Variants in PATJ observed in about 807,000 individuals in gnomAD.
PATJ encodes PATJ crumbs cell polarity complex component, also known as inaD-like protein.
PATJ carries 190 observed loss-of-function variants against 224.9 expected under a neutral mutation model. The ratio of observed to expected loss-of-function variants is 0.84; its 90% CI spans 0.75 to 0.95. PATJ has a LOEUF of 0.95. Among genes scored for constraint, PATJ ranks in the 40% least tolerant of loss-of-function variants. PATJ has a pLI of 0.00. For missense variants in PATJ, 2,121 were observed against 2,270.3 expected, an observed-to-expected ratio of 0.93 and a Z score of 1.34; for synonymous variants, 769 against 820.3, an observed-to-expected ratio of 0.94 and a Z score of 1.07.
intron 28 of PATJ, among the ~76,000 whole-genome samples, chr1:61,996,171 T>G (rs1468818572): frequency 6.6e-6 from 1 of 152,230 alleles, no homozygotes; most frequent in East Asian, 1.9e-4. Flanking sequence ...AAAGCATGAA[T>G]GTGTCCCATA....
intron 7 of PATJ, among the ~76,000 whole-genome samples, chr1:61,787,197 A>G (rs1648739807): frequency 6.6e-6 from 1 of 151,932 alleles, no homozygotes; most frequent in South Asian, 2.1e-4. Context: ...AGGTAATGTC[A>G]CTCCTCTGTT....
At chr1:61,957,127 C>A (rs1680549150) in intron 27 of PATJ, among the ~76,000 whole-genome samples, 1 of 152,108 alleles carries the variant, frequency 6.6e-6, no homozygotes, top group African/African-American at 2.4e-5. Context: ...GTTTAATAAA[C>A]CTTATTTGAA....
chr1:61,832,303 C>T (rs1051160912), intron 16 of PATJ, among the ~76,000 whole-genome samples: 2 of 151,086 alleles, frequency 1.3e-5, no homozygotes, highest in Non-Finnish European at 3.0e-5. Context: ...CAAACCTGCA[C>T]ACATACCCCC....
At chr1:62,106,687 CCAAA>C (rs1663095200) in intron 33 of PATJ, among the ~76,000 whole-genome samples, 1 of 152,130 alleles carries the variant, frequency 6.6e-6, no homozygotes, top group Non-Finnish European at 1.5e-5. Flanking sequence ...AGGGTACCAA[CCAAA>C]CACCCAGACA....
chr1:62,134,330 CTTTTTTTT>C, intron 41 of PATJ, among the ~76,000 whole-genome samples: 1 of 96,496 alleles, frequency 1.0e-5, no homozygotes, highest in East Asian at 3.3e-4. Flanking sequence ...CCAGCCCTCT[CTTTTTTTT>C]TTTTTTTTTT....
At chr1:61,949,591 G>A (rs1374401823) in intron 27 of PATJ, among the ~76,000 whole-genome samples, 3 of 152,190 alleles carry the variant, frequency 2.0e-5, no homozygotes, top group African/African-American at 7.2e-5. Context: ...AAAGAAGAGA[G>A]ATCAGGTTGT....
At chr1:62,147,623 A>AC (rs1387546622) in intron 41 of PATJ, among the ~76,000 whole-genome samples, 2 of 151,796 alleles carry the variant, frequency 1.3e-5, no homozygotes, top group African/African-American at 2.4e-5. Flanking sequence ...ACATGGTGAA[A>AC]CCCCGCCTCT....
intron 28 of PATJ, among the ~76,000 whole-genome samples, chr1:62,013,113 C>T (rs1174534051): frequency 2.0e-5 from 3 of 152,176 alleles, no homozygotes; most frequent in East Asian, 1.9e-4. Context: ...GAAACAGAAC[C>T]GTGAAAGGCA....
intron 9 of PATJ, among the ~76,000 whole-genome samples, chr1:61,793,424 T>C (rs1189761014): frequency 6.6e-6 from 1 of 152,146 alleles, no homozygotes; most frequent in East Asian, 1.9e-4. Flanking sequence ...ATGAAAATGC[T>C]AGATGTTTTG....
chr1:61,985,589 A>C (rs866793553), intron 27 of PATJ, among the ~76,000 whole-genome samples: 1 of 152,014 alleles, frequency 6.6e-6, no homozygotes, highest in Admixed American at 6.6e-5. Flanking sequence ...TTGATTCTAC[A>C]CTTGACTAGC....
intron 22 of PATJ, among the ~76,000 whole-genome samples, chr1:61,890,970 T>C (rs1001980576): frequency 4.6e-5 from 7 of 151,956 alleles, no homozygotes; most frequent in Admixed American, 2.0e-4. Context: ...GATAGGCTCA[T>C]GGGCCCTGAC....
chr1:62,020,583 T>G (rs1647021804), intron 29 of PATJ, among the ~76,000 whole-genome samples: 1 of 152,170 alleles, frequency 6.6e-6, no homozygotes, highest in Non-Finnish European at 1.5e-5. Flanking sequence ...GCTCCATCAA[T>G]TTACAGTCTG....
At chr1:62,012,201 C>G (rs1646494453) in intron 28 of PATJ, among the ~76,000 whole-genome samples, 1 of 152,046 alleles carries the variant, frequency 6.6e-6, no homozygotes, top group South Asian at 2.1e-4. Context: ...ATAGAGATGG[C>G]TGTTAGAAAT....
intron 20 of PATJ, 113 bp from the exon 21 acceptor site, chr1:61,875,130 G>T (rs1667178918): frequency 5.0e-6 from 3 of 602,324 alleles, no homozygotes; most frequent in Non-Finnish European, 8.7e-6. Flanking sequence ...ACTTGAGAAT[G>T]CCTGTTTGCA....
intron 17 of PATJ, among the ~76,000 whole-genome samples, chr1:61,838,521 ATTTTTTTTT>A (rs34877280): frequency 2.0e-4 from 23 of 115,558 alleles, no homozygotes; most frequent in South Asian, 9.3e-4. Context: ...CGCCTGGCTA[ATTTTTTTTT>A]TTTTTTTTTT....
At chr1:61,762,980 A>G in intron 2 of PATJ, 33 bp from the exon 3 acceptor site, 1 of 1,573,048 alleles carries the variant, frequency 6.4e-7, no homozygotes, top group Non-Finnish European at 8.7e-7. Flanking sequence ...AATGGGACTT[A>G]ACTATTACTC....
At position 62,141,784 on chromosome 1, in the gene PATJ, C is replaced by T. The variant is rs184681465; in HGVS notation, c.5272-6500C>T. Among the ~76,000 whole-genome samples, 319 of 152,084 alleles carry T rather than the reference C, an allele frequency of 2.1e-3. 3 individuals are homozygous for T. The highest frequency in any genetic ancestry group is 7.5e-3 in the African/African-American group (311 of 41,492). ...TCGAGTTTGAGAACAGGCTGGCCAACGTGGTGAAACCCCATCTCTACTAAA... is the reference window on the plus strand; with the variant it reads ...TCGAGTTTGAGAACAGGCTGGCCAATGTGGTGAAACCCCATCTCTACTAAA... On this transcript the variant is annotated intron_variant, in intron 41 of 43. Transcript: ENST00000642238.
chr1:61,769,513 A>T (rs1395075948), intron 5 of PATJ, 91 bp downstream of exon 5: 2 of 1,335,712 alleles, frequency 1.5e-6, no homozygotes, highest in African/African-American at 1.5e-5. Context: ...TAATAAAAAC[A>T]GTAACAGTAA....
Position 61,990,278 on chromosome 1 carries a change from C to A in PATJ, c.3781C>A (p.Arg1261Ser). The change falls in exon 28 of 44, where the codon CGC becomes AGC. Residue 1261 changes from arginine to serine, a missense_variant. By Grantham distance (110) the Arg-to-Ser change is moderately radical (BLOSUM62 -1). Transcript: ENST00000642238. ...CCTTGCTGGTAATAAAGACCGATCA[C>A]GCATGAGCATATTTGTGGTGGGAAT... Reference protein sequence around the residue: ...LSLAGNKDRSRMSIFVVGINP... With the variant: ...LSLAGNKDRSSMSIFVVGINP... 1.2e-6 allele frequency: 2 copies of A among 1,613,958 alleles called. No homozygotes were observed. Among genetic ancestry groups the A allele is most frequent in the Non-Finnish European group, 8.5e-7 (1 of 1,179,922 alleles).
Sources: allele counts gnomAD v4.1 joint callset (sites outside exome capture counted in the v4.1 genomes callset), GRCh38; gene constraint gnomAD v4.1.1; transcripts MANE v1.5; gene names NCBI Gene and HGNC (gene_info 2026-07-23, HGNC 2026-07-21).